The following ALG9 variants were observed in gnomAD, a reference collection of about 807,000 sequenced individuals.
ALG9 encodes the protein alpha-1,2-mannosyltransferase ALG9.
In ALG9, 55 loss-of-function variants were observed where a neutral mutation model predicts 81.8. That is an observed-to-expected ratio of 0.67 (90% CI 0.54 to 0.84). The LOEUF (loss-of-function observed/expected upper bound fraction) is 0.84, where lower values mean the gene tolerates loss of function less well. Ranked by LOEUF, ALG9 falls within the 40% of genes least tolerant of loss-of-function variation. The pLI is 0.00. For synonymous variants in ALG9, 278 were observed against 274.3 expected (o/e 1.01, Z -0.13); for missense variants, 629 against 745.0 (o/e 0.84, Z 1.81).
At chr11:111,864,636 A>G (rs934780279) in intron 4 of ALG9, among the ~76,000 whole-genome samples, 1 of 152,130 alleles carries the variant, frequency 6.6e-6, no homozygotes, top group East Asian at 1.9e-4. Context: ...ATGAATTTCT[A>G]TTTCACAAGG....
intron 9 of ALG9, 119 bp from the exon 10 acceptor site, chr11:111,840,928 T>C (rs1473543374): frequency 1.6e-6 from 2 of 1,216,656 alleles, no homozygotes; most frequent in Non-Finnish European, 2.4e-6. Flanking sequence ...CATAGAATGT[T>C]TCTACTCTTG....
At chr11:111,865,628 A>C (rs1377810578) in intron 3 of ALG9, among the ~76,000 whole-genome samples, 1 of 152,256 alleles carries the variant, frequency 6.6e-6, no homozygotes, top group Non-Finnish European at 1.5e-5. Context: ...ACATTCTTGC[A>C]ATATAATGCT....
chr11:111,868,978 A>G (rs1384586877), intron 2 of ALG9, among the ~76,000 whole-genome samples: 1 of 151,746 alleles, frequency 6.6e-6, no homozygotes, highest in Non-Finnish European at 1.5e-5. Flanking sequence ...AAAAAGTAGC[A>G]TGGTATGGTG....
chr11:111,865,211 A>G lies in ALG9; in HGVS notation c.446T>C (p.Val149Ala). The G allele has an allele frequency of 6.4e-7, 1 of 1,551,024 alleles. No homozygotes were observed. Among genetic ancestry groups the G allele is most frequent in the Non-Finnish European group, 8.7e-7 (1 of 1,147,384 alleles). Residue 149 changes from valine (V) to alanine (A), a missense_variant, in exon 4 of 15, where the codon GTG becomes GCG. Around this residue, in one of 3 missense-constraint regions of ALG9, gnomAD observed 344 missense variants for 390.5 expected, o/e 0.88. Transcript: ENST00000616540. ...FYFLRCLLAF[V>A]SCICELYFYK... ...AAAGTAAAGTTCACAAATACAGCTCACAAAAGCCAGAAGACATCGCAAAAA... is the reference window on the plus strand; with the variant it reads ...AAAGTAAAGTTCACAAATACAGCTCGCAAAAGCCAGAAGACATCGCAAAAA...
intron 14 of ALG9, among the ~76,000 whole-genome samples, chr11:111,797,899 C>G (rs2136285000): frequency 6.6e-6 from 1 of 152,276 alleles, no homozygotes; most frequent in African/African-American, 2.4e-5. Context: ...TATATGATAT[C>G]AGCACAGTCC....
At chr11:111,772,220 G>GT in the ALG9 span, among the ~76,000 whole-genome samples, 2 of 151,160 alleles carry the variant, frequency 1.3e-5, no homozygotes, top group African/African-American at 2.4e-5. Context: ...GAGCTCAGGA[G>GT]TTTGAGACCA....
At chr11:111,798,847 T>C (rs1948679728) in intron 14 of ALG9, among the ~76,000 whole-genome samples, 2 of 152,154 alleles carry the variant, frequency 1.3e-5, no homozygotes, top group African/African-American at 2.4e-5. Flanking sequence ...CTCAAACTAA[T>C]GGGGTCTGGG....
rs1555157383 is a variant in ALG9 at position 111,870,381 on chromosome 11, GCA to G, written c.132-13_132-12del. The G allele has an allele frequency of 5.2e-4, 299 of 575,216 alleles. No individual in the cohort carries two copies. The highest frequency in any genetic ancestry group is 2.6e-3 in the South Asian group (47 of 18,388). The allele number at this position is 575,216 out of a possible 1,614,324, so 35.6% of individuals were successfully genotyped here. A position where few individuals can be genotyped will look rare whatever the true frequency, so the allele number is the denominator to read the frequency against. On this transcript the variant is annotated splice_polypyrimidine_tract_variant and intron_variant, in intron 1 of 14. Transcript: ENST00000616540. The stretch of plus-strand genomic sequence containing the variant: ...TTGTTCCCAGATAACCTGTTCAAAA[GCA>G]AAAAAAAAAAAAAAAAAAAAAGCAT...
chr11:111,862,538 C>T (rs1475337664), intron 4 of ALG9, among the ~76,000 whole-genome samples: 1 of 151,504 alleles, frequency 6.6e-6, no homozygotes, highest in Non-Finnish European at 1.5e-5. Flanking sequence ...CCAGCCGTGG[C>T]TTACACATTT....
At chr11:111,834,357 T>C (rs1284302418) in intron 13 of ALG9, among the ~76,000 whole-genome samples, 7 of 152,122 alleles carry the variant, frequency 4.6e-5, no homozygotes, top group Non-Finnish European at 2.9e-5. Flanking sequence ...GGAATAAAAT[T>C]ACAAGGATGG....
At position 111,782,305 on chromosome 11, in the gene ALG9, A is replaced by G. The variant is rs1555057415; in HGVS notation, c.*4092T>C. On this transcript the variant is annotated 3_prime_UTR_variant, in exon 15 of 15. Coordinates refer to ENST00000616540, the MANE Select transcript of ALG9 (RefSeq NM_024740.2). ...AGGATCAGGAAGACAAGTGAATTGG[A>G]CAATACTCTTGCTTTAACACTTTAC... 1 of 152,352 alleles carries G rather than the reference A, an allele frequency of 6.6e-6. No homozygotes were observed. Among genetic ancestry groups the G allele is most frequent in the Non-Finnish European group, 1.5e-5 (1 of 68,044 alleles). The allele number at this position is 152,352 out of a possible 1,614,324, so 9.4% of individuals were successfully genotyped here. A position where few individuals can be genotyped will look rare whatever the true frequency, so the allele number is the denominator to read the frequency against.
intron 6 of ALG9, among the ~76,000 whole-genome samples, chr11:111,856,762 C>G (rs1397909040): frequency 2.6e-5 from 4 of 151,240 alleles, no homozygotes; most frequent in African/African-American, 9.7e-5. Flanking sequence ...GTAGTGGGAA[C>G]AAAGAGTATA....
At chr11:111,847,039 G>A (rs550650439) in intron 8 of ALG9, among the ~76,000 whole-genome samples, 1 of 152,166 alleles carries the variant, frequency 6.6e-6, no homozygotes, top group East Asian at 1.9e-4. Flanking sequence ...TAAAAGAAGG[G>A]ATAATGTTTA....
chr11:111,791,712 T>C (rs1392301029), intron 14 of ALG9, among the ~76,000 whole-genome samples: 3 of 152,256 alleles, frequency 2.0e-5, no homozygotes, highest in African/African-American at 7.2e-5. Context: ...AGCCTTTGCA[T>C]ATGCTGTTGC....
chr11:111,818,892 AAAAC>A (rs1386241419), intron 13 of ALG9, among the ~76,000 whole-genome samples: 8 of 152,178 alleles, frequency 5.3e-5, no homozygotes, highest in Admixed American at 3.9e-4. Context: ...AGAGAGACAA[AAAAC>A]AAACAGAGAG....
intron 1 of ALG9, chr11:111,870,827 A>G: frequency 9.9e-7 from 1 of 1,006,272 alleles, no homozygotes; most frequent in Non-Finnish European, 1.2e-6. Flanking sequence ...TAACAAGGTC[A>G]TTGCTTTTGA....
chr11:111,838,847 A>C (rs540179786), intron 10 of ALG9, among the ~76,000 whole-genome samples: 1 of 152,174 alleles, frequency 6.6e-6, no homozygotes, highest in Non-Finnish European at 1.5e-5. Context: ...GAACACTAGG[A>C]ACATGCTCTT....
intron 8 of ALG9, among the ~76,000 whole-genome samples, chr11:111,851,372 A>G (rs868927290): frequency 6.6e-6 from 1 of 151,670 alleles, no homozygotes; most frequent in South Asian, 2.1e-4. Flanking sequence ...CCCGATACTC[A>G]GGAGGCTGAG....
chr11:111,768,828 C>CGTGTGTGT, the ALG9 span: 10 of 89,916 alleles, frequency 1.1e-4, no homozygotes, highest in Non-Finnish European at 1.5e-4. Flanking sequence ...CATCCAGCTT[C>CGTGTGTGT]GTGTGTGTGT....
Sources: allele counts gnomAD v4.1 joint callset (sites outside exome capture counted in the v4.1 genomes callset), GRCh38; gene constraint gnomAD v4.1.1; regional missense constraint gnomAD v4.1.1; transcripts MANE v1.5; gene names NCBI Gene and HGNC (gene_info 2026-07-23, HGNC 2026-07-21).